Variants in HOXA10 observed in about 807,000 individuals in gnomAD.
The protein encoded by HOXA10 is homeobox protein Hox-A10.
Under a neutral mutation model 29.7 loss-of-function variants are expected in HOXA10, and 12 were observed. The ratio of observed to expected loss-of-function variants is 0.40; its 90% CI spans 0.26 to 0.65. The LOEUF is 0.65. HOXA10 is among the 30% of genes least tolerant of loss of function. The pLI, the probability that HOXA10 is intolerant of heterozygous loss-of-function variation, is 0.37. For missense variants in HOXA10, 656 were observed against 585.9 expected, an observed-to-expected ratio of 1.12 and a Z score of -1.24; for synonymous variants, 327 against 280.7, an observed-to-expected ratio of 1.16 and a Z score of -1.65.
At chr7:27,176,906 C>A (rs1340691853), upstream of HOXA10, among the ~76,000 whole-genome samples, 1 of 152,220 alleles carries the variant, frequency 6.6e-6, no homozygotes, top group Non-Finnish European at 1.5e-5. Flanking sequence ...ACAATTTGAT[C>A]CATCATTTCG....
rs1783470574 is a variant in HOXA10 at position 27,171,176 on chromosome 7, A to G, written c.*723T>C. 1 of 454,206 alleles carries G rather than the reference A, an allele frequency of 2.2e-6. No individual in the cohort carries two copies. The highest frequency in any genetic ancestry group is 4.4e-6 in the Non-Finnish European group (1 of 226,762). 28.1% of individuals were successfully genotyped at this position (454,206 alleles called of 1,614,324 possible). On this transcript the variant is annotated 3_prime_UTR_variant, in exon 2 of 2. Transcript: ENST00000283921. ...ATGAAACATTTTAGTCAGGCAATGT[A>G]AGACCTTACAGAAACTGGAAGAGAA...
chr7:27,176,353 C>T (rs551046586), upstream of HOXA10, among the ~76,000 whole-genome samples: 115 of 152,356 alleles, frequency 7.5e-4, no homozygotes, highest in African/African-American at 2.6e-3. Context: ...GGCAAATTCT[C>T]TACCCTCTAG....
chr7:27,171,877 A>ACCCC lies in HOXA10; in HGVS notation c.*21_*22insGGGG. The ACCCC allele has an allele frequency of 6.2e-7, 1 of 1,613,676 alleles. No homozygotes were observed. The highest frequency in any genetic ancestry group is 8.5e-7 in the Non-Finnish European group (1 of 1,179,744). The stretch of plus-strand genomic sequence containing the variant: ...GGGACCAGCGCTCGGGAAGTGAAAA[A>ACCCC]ACCGCGTCGCCTGGAGATTCATCAG... On this transcript the variant is annotated 3_prime_UTR_variant, in exon 2 of 2. Transcript: ENST00000283921.
At chr7:27,172,831 C>A (rs1783535394) in intron 1 of HOXA10, 1 of 163,616 alleles carries the variant, frequency 6.1e-6, no homozygotes, top group East Asian at 1.8e-4. Flanking sequence ...TTCTTCTTCC[C>A]GCAACGAAGA....
rs1057457111 is a variant in HOXA10 at position 27,170,737 on chromosome 7, T to G, written c.*1162A>C. On this transcript the variant is annotated 3_prime_UTR_variant, in exon 2 of 2. Transcript: ENST00000283921. ...CTAGAACTAACATTTATAATAACGA[T>G]AGAATGCATTTGCTTAAAACAAGAT... 1 of 446,884 alleles carries G rather than the reference T, an allele frequency of 2.2e-6. No homozygotes were observed. Among genetic ancestry groups the G allele is most frequent in the East Asian group, 7.0e-5 (1 of 14,386 alleles). The allele number at this position is 446,884 out of a possible 1,614,324, so 27.7% of individuals were successfully genotyped here. A position where few individuals can be genotyped will look rare whatever the true frequency, so the allele number is the denominator to read the frequency against.
Position 27,173,489 on chromosome 7 carries a change from G to C in HOXA10, c.818C>G (p.Pro273Arg). The stretch of plus-strand genomic sequence containing the variant: ...GCCGCAAGCCAGCGTGGGGGGCGGC[G>C]GCGAATCGAGGGCTCGCTCCTTCCG... ...AARKERALDS[P>R]PPPTLACGSG... Residue 273 changes from proline to arginine, a missense_variant, in exon 1 of 2, where the codon CCG becomes CGG. By Grantham distance (103) the Pro-to-Arg change is moderately radical. Coordinates refer to ENST00000283921, the MANE Select transcript of HOXA10 (RefSeq NM_018951.4). The C allele has an allele frequency of 6.5e-7, 1 of 1,540,318 alleles. No individual in the cohort carries two copies. The highest frequency in any genetic ancestry group is 8.7e-7 in the Non-Finnish European group (1 of 1,148,086).
At chr7:27,174,792 C>T (rs1783619285), upstream of HOXA10, 1 of 160,330 alleles carries the variant, frequency 6.2e-6, no homozygotes, top group Admixed American at 6.0e-5. Context: ...CCATTCAGCT[C>T]TGGATCTGGA....
At chr7:27,172,409 A>G (rs796386232) in intron 1 of HOXA10, 13 of 587,710 alleles carry the variant, frequency 2.2e-5, no homozygotes, top group African/African-American at 1.5e-4. Context: ...CACTTTTCCA[A>G]ACACCTGTTT....
rs773642843 is a variant in HOXA10, at chr7:27,173,664, G to T, written c.643C>A (p.Arg215Ser). Residue 215 changes from arginine (R) to serine (S), a missense_variant, in exon 1 of 2, where the codon CGC becomes AGC. Physicochemically the swap from Arg to Ser is moderately radical, Grantham distance 110. Coordinates refer to ENST00000283921, the MANE Select transcript of HOXA10 (RefSeq NM_018951.4). ...GCGGTGCCGTAGGCCTGAGAAAGGC[G>T]GAAGTAGCCAGGCACTGGCACCCCG... ...SSGVPVPGYF[R>S]LSQAYGTAKG... 25 of 1,550,418 alleles carry T rather than the reference G, an allele frequency of 1.6e-5. No individual in the cohort carries two copies. The Admixed American group carries it at 4.9e-4, about 30-fold the overall frequency.
chr7:27,179,691 C>T, exon 1 of HOXA10: 1 of 775,854 alleles, frequency 1.3e-6, no homozygotes, highest in East Asian at 2.4e-5. Flanking sequence ...CTGGCTTCTC[C>T]GCGCGGCGAC....
Position 27,172,001 on chromosome 7 carries a change from G to A in HOXA10, c.1131C>T (p.Asp377=), listed in dbSNP as rs201978388. The change falls in exon 2 of 2, where the codon GAC becomes GAT. Residue 377 remains aspartate (D), a synonymous_variant. Coordinates refer to ENST00000283921, the MANE Select transcript of HOXA10 (RefSeq NM_018951.4). ...TCTGAAACCAGATTTTCACTTGTCT[G>A]TCCGTGAGGTGGACGCTGCGGCTAA... ...LEISRSVHLT[D]RQVKIWFQNR... is the part of the protein sequence containing the mutation. The A allele has an allele frequency of 1.1e-5, 17 of 1,614,064 alleles. No individual in the cohort carries two copies. The African/African-American group carries it at 2.0e-4, about 19-fold the overall frequency.
rs1354960262 is a variant in HOXA10, at chr7:27,173,906, G to C, written c.401C>G (p.Pro134Arg). ...CGGCGGCTGCTGCTGGGGCGGCGGC[G>C]GCGGCCCGTCAGGCGGCTCCATCCG... ...SCRMEPPDGP[P>R]PPPQQQPPPP... is the part of the protein sequence containing the mutation. Residue 134 changes from proline (P) to arginine (R), a missense_variant, in exon 1 of 2, where the codon CCG (proline) becomes CGG (arginine). By Grantham distance (103) the Pro-to-Arg change is moderately radical. Coordinates refer to ENST00000283921, the MANE Select transcript of HOXA10 (RefSeq NM_018951.4). The C allele has an allele frequency of 1.6e-5, 24 of 1,527,562 alleles. No individual in the cohort carries two copies. The highest frequency in any genetic ancestry group is 2.8e-5 in the African/African-American group (2 of 70,968). 94.6% of individuals were successfully genotyped at this position (1,527,562 alleles called of 1,614,324 possible).
chr7:27,175,280 GC>G (rs1477599345), upstream of HOXA10: 2 of 152,326 alleles, frequency 1.3e-5, no homozygotes, highest in African/African-American at 4.8e-5. Flanking sequence ...GGAGGGGTGT[GC>G]CCGGTGTACA....
upstream of HOXA10, among the ~76,000 whole-genome samples, chr7:27,176,906 C>G (rs1340691853): frequency 6.6e-6 from 1 of 152,220 alleles, no homozygotes; most frequent in Non-Finnish European, 1.5e-5. Flanking sequence ...ACAATTTGAT[C>G]CATCATTTCG....
At chr7:27,178,966 C>G (rs1783702934), upstream of HOXA10, among the ~76,000 whole-genome samples, 1 of 152,116 alleles carries the variant, frequency 6.6e-6, no homozygotes, top group Non-Finnish European at 1.5e-5. Context: ...TAGTATTTAC[C>G]AATACATTTT....
Position 27,173,964 on chromosome 7 carries a change from T to C in HOXA10, c.343A>G (p.Ile115Val), listed in dbSNP as rs1189256040. The C allele has an allele frequency of 6.5e-7, 1 of 1,529,764 alleles. No homozygotes were observed. Among genetic ancestry groups the C allele is most frequent in the Non-Finnish European group, 8.8e-7 (1 of 1,141,944 alleles). 94.8% of individuals were successfully genotyped at this position (1,529,764 alleles called of 1,614,324 possible). ...PGAHGYGPSP[I>V]DLWLDAPRSC... ...CGGGGCGCGTCTAGCCACAGGTCTA[T>C]GGGCGAGGGCCCGTAGCCGTGCGCC... The change falls in exon 1 of 2, where the codon ATA (isoleucine) becomes GTA (valine). Residue 115 changes from isoleucine (I) to valine (V), a missense_variant. Coordinates refer to ENST00000283921, the MANE Select transcript of HOXA10 (RefSeq NM_018951.4).
At position 27,173,558 on chromosome 7, in the gene HOXA10, A is replaced by C; in HGVS notation, c.749T>G (p.Phe250Cys). The C allele has an allele frequency of 6.9e-7, 1 of 1,459,594 alleles. No homozygotes were observed. Among genetic ancestry groups the C allele is most frequent in the Non-Finnish European group, 9.0e-7 (1 of 1,114,074 alleles). The allele number at this position is 1,459,594 out of a possible 1,614,324, so 90.4% of individuals were successfully genotyped here. Reference protein sequence around the residue: ...PFPAQPPGRGFDLPPALASGS... With the variant: ...PFPAQPPGRGCDLPPALASGS... The stretch of plus-strand genomic sequence containing the variant: ...GGAGGCTAGCGCGGGCGGGAGATCG[A>C]AACCGCGCCCCGGGGGCTGCGCGGG... The change falls in exon 1 of 2, where the codon TTC (phenylalanine) becomes TGC (cysteine). Residue 250 changes from phenylalanine (F) to cysteine (C), a missense_variant. Physicochemically the swap from Phe to Cys is radical, Grantham distance 205. This residue lies in a region of HOXA10 where 594 missense variants were observed against 491.9 expected (regional missense o/e 1.21). Coordinates refer to ENST00000283921, the MANE Select transcript of HOXA10 (RefSeq NM_018951.4).
At position 27,173,273 on chromosome 7, in the gene HOXA10, C is replaced by G. The variant is rs112240823; in HGVS notation, c.958+76G>C. On this transcript the variant is annotated intron_variant, in intron 1 of 1. Transcript: ENST00000283921. ...GGCCGGCCGGCTGCTGCGCGGGCTCCTAGTTTTCTGATCCTTCTCCTCCTT... is the reference window on the plus strand; with the variant it reads ...GGCCGGCCGGCTGCTGCGCGGGCTCGTAGTTTTCTGATCCTTCTCCTCCTT... The G allele has an allele frequency of 4.3e-3, 6,794 of 1,595,474 alleles. 67 individuals are homozygous for G. The highest frequency in any genetic ancestry group is 0.024 in the South Asian group (2,172 of 89,060).
At position 27,173,852 on chromosome 7, in the gene HOXA10, G is replaced by T. The variant is rs748891848; in HGVS notation, c.455C>A (p.Pro152Gln). Residue 152 changes from proline to glutamine, a missense_variant, in exon 1 of 2, where the codon CCG (proline) becomes CAG (glutamine). Pro to Gln is a moderately conservative substitution (Grantham distance 76). Around this residue, in one of 2 missense-constraint regions of HOXA10, gnomAD observed 594 missense variants for 491.9 expected, o/e 1.21. Transcript: ENST00000283921. ...PPPPQPPQPA[P>Q]QATSCSFAQN... ...CGCGAAAGAGCACGAGGTGGCCTGC[G>T]GCGCTGGCTGGGGTGGTTGCGGCGG... is the stretch of plus-strand genomic sequence containing the variant. The T allele has an allele frequency of 3.1e-5, 50 of 1,607,150 alleles. No homozygotes were observed. In the South Asian group the frequency reaches 4.2e-4, roughly 14 times the overall value.
Sources: gnomAD v4.1 joint callset for allele counts (sites outside exome capture counted in the v4.1 genomes callset) on GRCh38, gnomAD v4.1.1 for gene constraint, gnomAD v4.1.1 regional missense constraint, MANE v1.5 for transcripts, NCBI Gene and HGNC (gene_info 2026-07-23, HGNC 2026-07-21) for gene names.